PLEKHG4B: variants seen among roughly 807,000 people sequenced by gnomAD.
The protein encoded by PLEKHG4B is pleckstrin homology domain-containing family G member 4B.
Under a neutral mutation model 121.3 loss-of-function variants are expected in PLEKHG4B, and 111 were observed. That is an observed-to-expected ratio of 0.92 (90% CI 0.78 to 1.07). The LOEUF is 1.07. Ranked by LOEUF, PLEKHG4B falls within the 50% of genes least tolerant of loss-of-function variation. The pLI is 0.00. For synonymous variants in PLEKHG4B, 738 were observed against 725.0 expected, an observed-to-expected ratio of 1.02 and a Z score of -0.29; for missense variants, 1,831 against 1,757.8, an observed-to-expected ratio of 1.04 and a Z score of -0.74.
At chr5:122,959 C>T (rs562628989) in intron 2 of PLEKHG4B, among the ~76,000 whole-genome samples, 1 of 152,168 alleles carries the variant, frequency 6.6e-6, no homozygotes, top group East Asian at 1.9e-4. Context: ...CAGTAAATGT[C>T]GATTTTTTAC....
intron 19 of PLEKHG4B, 63 bp from the exon 20 acceptor site, chr5:181,941 C>A: frequency 6.5e-7 from 1 of 1,543,784 alleles, no homozygotes; most frequent in Non-Finnish European, 8.9e-7. Flanking sequence ...TGATCCCATT[C>A]CCGAACCTGG....
intron 17 of PLEKHG4B, 133 bp from the exon 18 acceptor site, chr5:173,785 C>T (rs998092876): frequency 1.9e-6 from 2 of 1,059,152 alleles, no homozygotes; most frequent in Non-Finnish European, 2.7e-6. Context: ...TGGTCTCGCT[C>T]ACCCTGACCC....
chr5:166,459 G>A (rs1310307999), intron 13 of PLEKHG4B, among the ~76,000 whole-genome samples: 16 of 113,948 alleles, frequency 1.4e-4, no homozygotes, highest in Admixed American at 5.8e-4. Context: ...CTGACGGGGC[G>A]GAGCTCACAC....
At position 137,350 on chromosome 5, in the gene PLEKHG4B, G is replaced by A. The variant is rs1478924667; in HGVS notation, c.244-2133G>A. ...ATGGTGGTGATGGTTACATAACCGT[G>A]TGAATGTACTTAATGCCACTGAACT... On this transcript the variant is annotated intron_variant, in intron 2 of 19. Coordinates refer to ENST00000637938, the MANE Select transcript of PLEKHG4B (RefSeq NM_052909.5). This position sits in a 1 kb window ranked among gnomAD's most constrained non-coding sequence, Gnocchi z 4.2. Among the ~76,000 whole-genome samples the A allele has an allele frequency of 6.6e-6, 1 of 152,172 alleles. No homozygotes were observed. Among genetic ancestry groups the A allele is most frequent in the East Asian group, 1.9e-4 (1 of 5,196 alleles).
intron 2 of PLEKHG4B, among the ~76,000 whole-genome samples, chr5:115,279 G>A (rs1734271942): frequency 6.6e-6 from 1 of 152,182 alleles, no homozygotes; most frequent in Admixed American, 6.5e-5. Flanking sequence ...TGAGCAGTGG[G>A]TCTCAACAGT....
intron 5 of PLEKHG4B, among the ~76,000 whole-genome samples, chr5:143,809 GC>G (rs1427993659): frequency 5.9e-5 from 9 of 152,320 alleles, no homozygotes; most frequent in Non-Finnish European, 1.0e-4. Flanking sequence ...GCTTCTGCCG[GC>G]TTTGAGTCAG....
At chr5:110,861 G>A (rs1032663599) in intron 1 of PLEKHG4B, among the ~76,000 whole-genome samples, 11 of 152,260 alleles carry the variant, frequency 7.2e-5, no homozygotes, top group Non-Finnish European at 1.3e-4. Flanking sequence ...GTCAGCACAC[G>A]TTTGTACATT....
rs1735077718 is a variant in PLEKHG4B at position 139,332 on chromosome 5, T to C, written c.244-151T>C. 2.0e-5 allele frequency among the ~76,000 whole-genome samples: 3 copies of C among 152,212 alleles called. No individual in the cohort carries two copies. The highest frequency in any genetic ancestry group is 1.3e-4 in the Admixed American group (2 of 15,282). On this transcript the variant is annotated intron_variant, in intron 2 of 19. Coordinates refer to ENST00000637938, the MANE Select transcript of PLEKHG4B (RefSeq NM_052909.5). The surrounding 1 kb of genome is among the most constrained non-coding windows in gnomAD (Gnocchi z 5.0). ...TCTAGTCCTAATGACCTGCTTTATG[T>C]TCCAAGGAACAGGACACCCCAGCCC...
rs1291017687 is a variant in PLEKHG4B at position 133,932 on chromosome 5, A to G, written c.244-5551A>G. Reference sequence around the variant, plus strand: ...AAATGTGACACACACGCACACACACACACACACACATATATATATGGTGGA... The same window carrying G: ...AAATGTGACACACACGCACACACACGCACACACACATATATATATGGTGGA... On this transcript the variant is annotated intron_variant, in intron 2 of 19. Coordinates refer to ENST00000637938, the MANE Select transcript of PLEKHG4B (RefSeq NM_052909.5). Among the ~76,000 whole-genome samples the G allele has an allele frequency of 3.4e-5, 5 of 147,850 alleles. No individual in the cohort carries two copies. The East Asian group carries it at 9.7e-4, about 29-fold the overall frequency.
Position 151,600 on chromosome 5 carries a change from G to A in PLEKHG4B, c.1992+1G>A, listed in dbSNP as rs1346316278. ...GCCTGACAAGGATGCAATAATTCAG[G>A]TAATGGTTTAGACTGTGGGATCCTG... On this transcript the variant is annotated splice_donor_variant, in intron 7 of 19. Coordinates refer to ENST00000637938, the MANE Select transcript of PLEKHG4B (RefSeq NM_052909.5). LOFTEE classifies it high-confidence loss of function. 3 of 1,568,814 alleles carry A rather than the reference G, an allele frequency of 1.9e-6. No homozygotes were observed. The highest frequency in any genetic ancestry group is 2.6e-6 in the Non-Finnish European group (3 of 1,140,906).
At position 171,621 on chromosome 5, in the gene PLEKHG4B, T is replaced by C. The variant is rs914560052; in HGVS notation, c.4050+177T>C. Among the ~76,000 whole-genome samples the C allele has an allele frequency of 5.9e-5, 9 of 151,948 alleles. 1 individual carries two copies. The South Asian group carries it at 1.7e-3, about 28-fold the overall frequency. On this transcript the variant is annotated intron_variant, in intron 16 of 19. Transcript: ENST00000637938. Reference sequence around the variant, plus strand: ...GCAGCGGGGGCCACCTGGAGGAGGGTCTTACCTGTCTGGGCAATGTCAGGG... The same window carrying C: ...GCAGCGGGGGCCACCTGGAGGAGGGCCTTACCTGTCTGGGCAATGTCAGGG...
At chr5:92,993 A>G (rs993875263) in intron 1 of PLEKHG4B, among the ~76,000 whole-genome samples, 4 of 152,150 alleles carry the variant, frequency 2.6e-5, no homozygotes, top group Admixed American at 2.0e-4. Context: ...TGCAAAAAGT[A>G]TATTGGGTTT....
At chr5:174,631 G>T (rs993887722) in intron 18 of PLEKHG4B, among the ~76,000 whole-genome samples, 1 of 152,148 alleles carries the variant, frequency 6.6e-6, no homozygotes, top group African/African-American at 2.4e-5. Flanking sequence ...ATTTGTATAG[G>T]CACGGTCTGG....
At position 182,186 on chromosome 5, in the gene PLEKHG4B, G is replaced by A. The variant is rs766391511; in HGVS notation, c.4747G>A (p.Ala1583Thr). Reference sequence around the variant, plus strand: ...AGCCCACCCGGGCCTATGGAGCCCTGCCCACAGCCCCTGGTCATCTGATAT... The same window carrying A: ...AGCCCACCCGGGCCTATGGAGCCCTACCCACAGCCCCTGGTCATCTGATAT... ...SPAHPGLWSP[A>T]HSPWSSDIRA... is the part of the protein sequence containing the mutation. The change falls in exon 20 of 20, where the codon GCC (alanine) becomes ACC (threonine). Residue 1583 changes from alanine (A) to threonine (T), a missense_variant. Transcript: ENST00000637938. 4.2e-5 allele frequency: 67 copies of A among 1,613,816 alleles called. No individual in the cohort carries two copies. The South Asian group carries it at 6.7e-4, about 16-fold the overall frequency.
At chr5:166,716 C>A (rs1015242285) in intron 13 of PLEKHG4B, among the ~76,000 whole-genome samples, 2 of 152,162 alleles carry the variant, frequency 1.3e-5, no homozygotes, top group Admixed American at 1.3e-4. Context: ...AGGCCTCTGC[C>A]TTAAGGTCCA....
chr5:105,859 C>T (rs551078216), intron 1 of PLEKHG4B, among the ~76,000 whole-genome samples: 5 of 152,240 alleles, frequency 3.3e-5, no homozygotes, highest in South Asian at 4.2e-4. Context: ...CTGTAACATA[C>T]GGCAGCTGTA....
Position 181,818 on chromosome 5 carries a change from G to C in PLEKHG4B, c.4564+143G>C, listed in dbSNP as rs545416819. On this transcript the variant is annotated intron_variant, in intron 19 of 19. Coordinates refer to ENST00000637938, the MANE Select transcript of PLEKHG4B (RefSeq NM_052909.5). ...TGTCGTCAAGGACACGGGTACGGTG[G>C]CCTCGGCCCCGCCCTCACTCATCCT... The C allele has an allele frequency of 3.8e-6, 5 of 1,332,188 alleles. No homozygotes were observed. In the East Asian group the frequency reaches 9.7e-5, roughly 26 times the overall value. The allele number at this position is 1,332,188 out of a possible 1,614,324, so 82.5% of individuals were successfully genotyped here. A position where few individuals can be genotyped will look rare whatever the true frequency, so the allele number is the denominator to read the frequency against.
In PLEKHG4B at chr5:140,111, T is replaced by G; in HGVS notation, c.872T>G (p.Val291Gly). The G allele has an allele frequency of 1.9e-6, 1 of 518,502 alleles. No individual in the cohort carries two copies. The highest frequency in any genetic ancestry group is 3.3e-6 in the Non-Finnish European group (1 of 301,172). 32.1% of individuals were successfully genotyped at this position (518,502 alleles called of 1,614,324 possible). A position where few individuals can be genotyped will look rare whatever the true frequency, so the allele number is the denominator to read the frequency against. ...SGSSDRDFEK[V>G]SPSEQGPRMP... ...AGCTCAGACAGGGACTTCGAAAAGG[T>G]CAGCCCCTCAGAGCAGGGCCCACGG... The change falls in exon 3 of 20, where the codon GTC (valine) becomes GGC (glycine). Residue 291 changes from valine (V) to glycine (G), a missense_variant. Physicochemically the swap from Val to Gly is moderately radical, Grantham distance 109. Transcript: ENST00000637938.
intron 1 of PLEKHG4B, among the ~76,000 whole-genome samples, chr5:107,771 G>A (rs1437283352): frequency 6.6e-6 from 1 of 152,240 alleles, no homozygotes; most frequent in East Asian, 1.9e-4. Context: ...GGTGTGGCCA[G>A]GAGCTCTGGC....
Sources: allele counts gnomAD v4.1 joint callset (sites outside exome capture counted in the v4.1 genomes callset), GRCh38; gene constraint gnomAD v4.1.1; non-coding constraint Gnocchi (gnomAD v3.1); transcripts MANE v1.5; gene names NCBI Gene and HGNC (gene_info 2026-07-23, HGNC 2026-07-21).